Variants in AQP7B observed in about 807,000 individuals in gnomAD.
AQP7B encodes putative aquaporin-7B.
At chr2:94,596,457 G>A in the AQP7B span, among the ~76,000 whole-genome samples, 1 of 152,212 alleles carries the variant, frequency 6.6e-6, no homozygotes, top group Non-Finnish European at 1.5e-5. Context: ...GAGGCTGTTT[G>A]TGTGTGTGGT....
chr2:94,593,775 C>T, the AQP7B span, among the ~76,000 whole-genome samples: 133 of 152,034 alleles, frequency 8.7e-4, no homozygotes, highest in African/African-American at 3.0e-3. Flanking sequence ...CGTGAGCTAC[C>T]GGGCCCAGCC....
chr2:94,594,168 GC>G, the AQP7B span, among the ~76,000 whole-genome samples: 1 of 152,148 alleles, frequency 6.6e-6, no homozygotes, highest in Non-Finnish European at 1.5e-5. Flanking sequence ...TGACCTGGTT[GC>G]ACAGCCTCAT....
the AQP7B span, chr2:94,603,528 C>T: frequency 3.8e-6 from 6 of 1,589,766 alleles, no homozygotes; most frequent in African/African-American, 4.0e-5. Flanking sequence ...GAGTACCCCT[C>T]CCCCTGCCCT....
At chr2:94,591,403 C>A in the AQP7B span, among the ~76,000 whole-genome samples, 1 of 152,230 alleles carries the variant, frequency 6.6e-6, no homozygotes, top group Non-Finnish European at 1.5e-5. Context: ...AACACCAAGC[C>A]TGTCAGCTTG....
At chr2:94,598,111 A>T in the AQP7B span, among the ~76,000 whole-genome samples, 75 of 152,342 alleles carry the variant, frequency 4.9e-4, no homozygotes, top group Non-Finnish European at 9.3e-4. Context: ...TGAGGATTGA[A>T]GACAGTAGCA....
At chr2:94,601,675 C>T in the AQP7B span, among the ~76,000 whole-genome samples, 1 of 152,208 alleles carries the variant, frequency 6.6e-6, no homozygotes, top group South Asian at 2.1e-4. Context: ...CAGGAACCCA[C>T]AGCTGGAGAA....
the AQP7B span, among the ~76,000 whole-genome samples, chr2:94,600,069 G>A: frequency 6.6e-6 from 1 of 151,756 alleles, no homozygotes; most frequent in Non-Finnish European, 1.5e-5. Flanking sequence ...AGTAGAGACG[G>A]GGTTTTGTCA....
the AQP7B span, among the ~76,000 whole-genome samples, chr2:94,587,681 G>A: frequency 6.6e-6 from 1 of 152,132 alleles, no homozygotes; most frequent in East Asian, 1.9e-4. Flanking sequence ...GAGATGGCAG[G>A]GATGCACTGG....
At chr2:94,594,240 G>A in the AQP7B span, among the ~76,000 whole-genome samples, 3 of 152,190 alleles carry the variant, frequency 2.0e-5, no homozygotes, top group African/African-American at 4.8e-5. Flanking sequence ...ACTCAGTGCT[G>A]TTTACAGAGC....
chr2:94,603,359 G>A, the AQP7B span: 26 of 1,588,540 alleles, frequency 1.6e-5, no homozygotes, highest in African/African-American at 1.7e-4. Context: ...GGGCAGGTTC[G>A]CATGATAGTC....
the AQP7B span, among the ~76,000 whole-genome samples, chr2:94,590,513 T>C: frequency 6.6e-6 from 1 of 152,042 alleles, no homozygotes; most frequent in Non-Finnish European, 1.5e-5. Flanking sequence ...AATGAAGAAA[T>C]GTTGGTTAGC....
At chr2:94,590,944 CAAAAAAAAAA>C in the AQP7B span, among the ~76,000 whole-genome samples, 1 of 49,090 alleles carries the variant, frequency 2.0e-5, no homozygotes, top group Admixed American at 2.3e-4. Context: ...GACCCTGTCT[CAAAAAAAAAA>C]AAAAAAAAAA....
the AQP7B span, chr2:94,603,344 G>A: frequency 1.3e-6 from 2 of 1,573,774 alleles, no homozygotes; most frequent in African/African-American, 1.3e-5. Flanking sequence ...GTGGGGCTTA[G>A]TTGGGGGCAG....
the AQP7B span, chr2:94,603,412 C>A: frequency 1.2e-6 from 2 of 1,608,750 alleles, no homozygotes; most frequent in Non-Finnish European, 1.7e-6. Context: ...GGGTGGAGAG[C>A]TGATGGTGAC....
At chr2:94,603,704 C>T in the AQP7B span, 2 of 1,438,466 alleles carry the variant, frequency 1.4e-6, no homozygotes, top group Non-Finnish European at 1.9e-6. Flanking sequence ...ACAGCATCTG[C>T]TCCTCAGGAG....
the AQP7B span, chr2:94,603,835 C>G: frequency 6.8e-7 from 1 of 1,469,880 alleles, no homozygotes; most frequent in Non-Finnish European, 9.5e-7. Flanking sequence ...CAGGGTGTCC[C>G]ATGGCATAAA....
chr2:94,604,207 C>A, the AQP7B span: 1 of 1,397,158 alleles, frequency 7.2e-7, no homozygotes, highest in Non-Finnish European at 9.7e-7. Flanking sequence ...CTCCTCTGCT[C>A]AACCAGTCTT....
At chr2:94,603,929 G>A in the AQP7B span, 3 of 1,271,234 alleles carry the variant, frequency 2.4e-6, no homozygotes, top group Admixed American at 5.2e-5. Context: ...CAGGTCTTCA[G>A]GTACTGCCCC....
the AQP7B span, chr2:94,603,386 C>T: frequency 1.8e-4 from 289 of 1,605,052 alleles, no homozygotes; most frequent in Non-Finnish European, 2.4e-4. Context: ...TCCGCAGCGG[C>T]CATTCTCCAC....
Sources: gnomAD v4.1 joint callset for allele counts (sites outside exome capture counted in the v4.1 genomes callset) on GRCh38, gnomAD v4.1.1 for gene constraint, MANE v1.5 for transcripts, NCBI Gene and HGNC (gene_info 2026-07-23, HGNC 2026-07-21) for gene names.